The following RALYL variants were observed in gnomAD, a reference collection of about 807,000 sequenced individuals.
RALYL encodes the protein RALY RNA binding protein like.
A neutral mutation model predicts 35.1 loss-of-function variants in RALYL; 29 were observed. The ratio of observed to expected loss-of-function variants is 0.83; its 90% confidence interval spans 0.61 to 1.13. RALYL has a LOEUF of 1.13. Among genes scored for constraint, RALYL ranks in the 50% most tolerant of loss-of-function variants. The pLI is 0.00. For synonymous variants in RALYL, 120 were observed against 127.6 expected, an observed-to-expected ratio of 0.94 and a Z score of 0.40; for missense variants, 359 against 360.4, an observed-to-expected ratio of 1.00 and a Z score of 0.03.
intron 1 of RALYL, among the ~76,000 whole-genome samples, chr8:84,491,851 C>T (rs2055347069): frequency 6.6e-6 from 1 of 151,834 alleles, no homozygotes; most frequent in Non-Finnish European, 1.5e-5. Context: ...TCCTAGAGCA[C>T]TTGTAGGTTT....
intron 1 of RALYL, among the ~76,000 whole-genome samples, chr8:84,449,042 T>C (rs1244390383): frequency 6.6e-6 from 1 of 151,840 alleles, no homozygotes; most frequent in African/African-American, 2.4e-5. Flanking sequence ...AGTATTAAGC[T>C]TGTAGCACAG....
intron 4 of RALYL, among the ~76,000 whole-genome samples, chr8:84,843,221 C>T (rs202094629): frequency 1.6e-4 from 25 of 152,012 alleles, no homozygotes; most frequent in African/African-American, 3.6e-4. Flanking sequence ...GAAAACCCCA[C>T]TGTCTCAGCC....
At chr8:84,304,244 A>G (rs1171259123) in intron 1 of RALYL, among the ~76,000 whole-genome samples, 1 of 151,818 alleles carries the variant, frequency 6.6e-6, no homozygotes, top group Non-Finnish European at 1.5e-5. Context: ...CAGCCTCCCG[A>G]TTAGCTGGGA....
intron 1 of RALYL, among the ~76,000 whole-genome samples, chr8:84,525,568 T>C (rs1221291595): frequency 6.6e-6 from 1 of 152,126 alleles, no homozygotes; most frequent in African/African-American, 2.4e-5. Flanking sequence ...TTTTCTTGAA[T>C]ATTTTTCTAC....
At chr8:84,503,173 G>T (rs1254331892) in intron 1 of RALYL, among the ~76,000 whole-genome samples, 1 of 151,932 alleles carries the variant, frequency 6.6e-6, no homozygotes, top group African/African-American at 2.4e-5. Context: ...TTAGAGACAG[G>T]ATCTAGCTGT....
chr8:84,516,830 T>G (rs1228235758), intron 1 of RALYL, among the ~76,000 whole-genome samples: 1 of 152,188 alleles, frequency 6.6e-6, no homozygotes, highest in Non-Finnish European at 1.5e-5. Context: ...ATCTTCTTAT[T>G]TTAATACCGA....
At chr8:84,637,974 A>G (rs1188528683) in intron 2 of RALYL, among the ~76,000 whole-genome samples, 1 of 151,988 alleles carries the variant, frequency 6.6e-6, no homozygotes, top group African/African-American at 2.4e-5. Context: ...ACAGATATTT[A>G]CAGAACATTC....
At position 84,443,877 on chromosome 8, in the gene RALYL, C is replaced by T. The variant is rs576759988; in HGVS notation, c.-23-85422C>T. On this transcript the variant is annotated intron_variant, in intron 1 of 8. Coordinates refer to ENST00000521268, the MANE Select transcript of RALYL (RefSeq NM_173848.7). ...ATAACACAAACTCGATGATAGCAACCTCCAGTGGCAGCAAAATGGTAGAGA... is the reference window on the plus strand; with the variant it reads ...ATAACACAAACTCGATGATAGCAACTTCCAGTGGCAGCAAAATGGTAGAGA... Among the ~76,000 whole-genome samples, 3 of 152,158 alleles carry T rather than the reference C, an allele frequency of 2.0e-5. No homozygotes were observed. In the South Asian group the frequency reaches 6.2e-4, roughly 32 times the overall value.
intron 1 of RALYL, among the ~76,000 whole-genome samples, chr8:84,277,193 T>C (rs1835558902): frequency 6.6e-6 from 1 of 152,178 alleles, no homozygotes; most frequent in African/African-American, 2.4e-5. Flanking sequence ...CAGTTCCACA[T>C]GGCTTGGGAG....
intron 2 of RALYL, among the ~76,000 whole-genome samples, chr8:84,651,885 A>G (rs1244231932): frequency 1.3e-5 from 2 of 152,056 alleles, no homozygotes; most frequent in Admixed American, 6.6e-5. Flanking sequence ...TTGGATTAGG[A>G]TAATTTAAAA....
intron 1 of RALYL, among the ~76,000 whole-genome samples, chr8:84,315,105 T>G (rs1843491014): frequency 1.3e-5 from 2 of 152,198 alleles, no homozygotes; most frequent in African/African-American, 4.8e-5. Context: ...TTACACAATA[T>G]TATTTGTGAT....
rs1297982693 is a variant in RALYL at position 84,558,696 on chromosome 8, T to G, written c.256+29119T>G. Among the ~76,000 whole-genome samples, 4 of 152,152 alleles carry G rather than the reference T, an allele frequency of 2.6e-5. No homozygotes were observed. The East Asian group carries it at 5.8e-4, about 22-fold the overall frequency. ...TATACTAAAATTTGAATTTAAAATT[T>G]CTGGTCGCTGGAGAGGAAAAGTTCT... On this transcript the variant is annotated intron_variant, in intron 2 of 8. Transcript: ENST00000521268.
chr8:84,914,172 C>T (rs1274535792), intron 8 of RALYL, among the ~76,000 whole-genome samples: 3 of 151,876 alleles, frequency 2.0e-5, no homozygotes, highest in African/African-American at 7.3e-5. Flanking sequence ...AAATTAATCC[C>T]ATAAGGAACT....
intron 2 of RALYL, among the ~76,000 whole-genome samples, chr8:84,595,248 A>G (rs945077717): frequency 6.6e-6 from 1 of 152,172 alleles, no homozygotes; most frequent in East Asian, 1.9e-4. Flanking sequence ...TATATAAAGA[A>G]TTGAAAGTGT....
intron 8 of RALYL, among the ~76,000 whole-genome samples, chr8:84,895,996 G>A (rs183600807): frequency 1.3e-5 from 2 of 152,258 alleles, no homozygotes; most frequent in African/African-American, 4.8e-5. Context: ...ATCTCTCCCA[G>A]CTGCTTCTGG....
chr8:84,638,906 A>G (rs1441984422), intron 2 of RALYL, among the ~76,000 whole-genome samples: 1 of 46,562 alleles, frequency 2.1e-5, no homozygotes, highest in African/African-American at 4.6e-5. Flanking sequence ...ATATATATAT[A>G]TATATATATA....
chr8:84,276,839 T>C (rs1835479937), intron 1 of RALYL, among the ~76,000 whole-genome samples: 1 of 152,244 alleles, frequency 6.6e-6, no homozygotes, highest in Non-Finnish European at 1.5e-5. Flanking sequence ...TTTGTTAATC[T>C]AGAAAAGTTT....
At position 84,636,540 on chromosome 8, in the gene RALYL, C is replaced by A. The variant is rs914683791; in HGVS notation, c.256+106963C>A. ...GTCAGCTGAGTGATCTGTATTAGGA[C>A]AATATCACTGTGTCCTCCATCTAGC... On this transcript the variant is annotated intron_variant, in intron 2 of 8. Transcript: ENST00000521268. Among the ~76,000 whole-genome samples, 16 of 151,918 alleles carry A rather than the reference C, an allele frequency of 1.1e-4. No individual in the cohort carries two copies. In the South Asian group the frequency reaches 2.5e-3, roughly 24 times the overall value.
rs974249513 is a variant in RALYL at position 84,730,536 on chromosome 8, A to G, written c.257-44043A>G. 9.2e-5 allele frequency among the ~76,000 whole-genome samples: 14 copies of G among 152,054 alleles called. No homozygotes were observed. The East Asian group carries it at 1.2e-3, about 13-fold the overall frequency. On this transcript the variant is annotated intron_variant, in intron 2 of 8. Transcript: ENST00000521268. ...CATAGTGTTGGAAGTTCTGGCCAGGACAATTAGGCAGGAGAAGGAAATAAA... is the reference window on the plus strand; with the variant it reads ...CATAGTGTTGGAAGTTCTGGCCAGGGCAATTAGGCAGGAGAAGGAAATAAA...
Sources: gnomAD v4.1 joint callset for allele counts (sites outside exome capture counted in the v4.1 genomes callset) on GRCh38, gnomAD v4.1.1 for gene constraint, MANE v1.5 for transcripts, NCBI Gene and HGNC (gene_info 2026-07-23, HGNC 2026-07-21) for gene names.